RMDN2: variants seen among roughly 807,000 people sequenced by gnomAD.
RMDN2 encodes regulator of microtubule dynamics protein 2.
Under a neutral mutation model 52.8 loss-of-function variants are expected in RMDN2, and 61 were observed. The ratio of observed to expected loss-of-function variants is 1.16; its 90% CI spans 0.94 to 1.43. RMDN2 has a LOEUF of 1.43. RMDN2 is among the 40% of genes most tolerant of loss of function. RMDN2 has a pLI of 0.00. For missense variants in RMDN2, 592 were observed against 475.3 expected, an observed-to-expected ratio of 1.25 and a Z score of -2.28; for synonymous variants, 180 against 153.1, an observed-to-expected ratio of 1.18 and a Z score of -1.30.
chr2:37,933,951 A>T (rs1439241351), intron 2 of RMDN2, among the ~76,000 whole-genome samples: 3 of 152,206 alleles, frequency 2.0e-5, no homozygotes, highest in African/African-American at 7.2e-5. Flanking sequence ...GTCCTTTTAT[A>T]ATCTCCTGTG....
intron 2 of RMDN2, among the ~76,000 whole-genome samples, chr2:37,954,254 C>T (rs1214011165): frequency 6.6e-6 from 1 of 151,980 alleles, no homozygotes; most frequent in Non-Finnish European, 1.5e-5. Flanking sequence ...TTTAGTGCCA[C>T]ATCCAATAAA....
intron 10 of RMDN2, among the ~76,000 whole-genome samples, chr2:38,045,901 G>T (rs1273845090): frequency 6.6e-6 from 1 of 152,116 alleles, no homozygotes; most frequent in Non-Finnish European, 1.5e-5. Flanking sequence ...TGACCTTGGT[G>T]GAAAACAAAC....
intron 10 of RMDN2, among the ~76,000 whole-genome samples, chr2:38,060,927 A>G (rs569010871): frequency 2.0e-5 from 3 of 152,334 alleles, no homozygotes; most frequent in South Asian, 4.1e-4. Flanking sequence ...TTTTTCAATC[A>G]GATATAATAA....
At chr2:38,034,344 G>A (rs967861812) in intron 10 of RMDN2, among the ~76,000 whole-genome samples, 35 of 152,180 alleles carry the variant, frequency 2.3e-4, no homozygotes, top group Non-Finnish European at 4.6e-4. Context: ...TACATGATGG[G>A]GAGATCAGGA....
intron 10 of RMDN2, chr2:38,028,161 C>T (rs1027572457): frequency 1.3e-5 from 2 of 151,584 alleles, no homozygotes; most frequent in East Asian, 1.9e-4. Context: ...TCAGGGACCC[C>T]GAAGCTTACA....
intron 2 of RMDN2, among the ~76,000 whole-genome samples, chr2:37,933,129 G>T (rs1487659936): frequency 6.7e-6 from 1 of 149,844 alleles, no homozygotes; most frequent in Non-Finnish European, 1.5e-5. Flanking sequence ...CTCACATCCC[G>T]GACGGGGCAG....
At chr2:37,974,694 C>T (rs934872157) in intron 3 of RMDN2, 8 of 152,448 alleles carry the variant, frequency 5.2e-5, no homozygotes, top group African/African-American at 1.7e-4. Context: ...TGCAGTGTCC[C>T]ATGGAGAAAT....
chr2:37,939,186 T>C (rs773288569), intron 2 of RMDN2, among the ~76,000 whole-genome samples: 5 of 152,244 alleles, frequency 3.3e-5, no homozygotes, highest in Non-Finnish European at 5.9e-5. Flanking sequence ...TTGTTCAGTT[T>C]CCATGTAATT....
At chr2:38,009,818 G>T (rs981370975) in intron 10 of RMDN2, among the ~76,000 whole-genome samples, 6 of 152,100 alleles carry the variant, frequency 3.9e-5, no homozygotes, top group Non-Finnish European at 7.3e-5. Context: ...TTTCTGCTCT[G>T]TTTTTTCCCC....
intron 3 of RMDN2, 106 bp downstream of exon 3, chr2:37,974,320 A>G: frequency 7.4e-6 from 5 of 679,686 alleles, no homozygotes; most frequent in Non-Finnish European, 1.1e-5. Flanking sequence ...CCACATTTTG[A>G]TGATTGATGT....
chr2:37,963,677 C>G (rs991802030), intron 2 of RMDN2, among the ~76,000 whole-genome samples: 1 of 152,244 alleles, frequency 6.6e-6, no homozygotes, highest in African/African-American at 2.4e-5. Context: ...AAGAATCTTT[C>G]TTAGTACAGA....
chr2:38,001,184 G>A (rs1676271493), intron 8 of RMDN2, among the ~76,000 whole-genome samples: 1 of 152,200 alleles, frequency 6.6e-6, no homozygotes, highest in Non-Finnish European at 1.5e-5. Flanking sequence ...GTTCAACAGT[G>A]TTTATTAAGC....
At chr2:37,960,127 G>T (rs141641781) in intron 2 of RMDN2, among the ~76,000 whole-genome samples, 2,533 of 152,214 alleles carry the variant, frequency 0.017, 66 homozygotes, top group African/African-American at 0.058. Context: ...TGTTGATTTG[G>T]GGTGGAGAGT....
chr2:38,035,368 A>G lies in RMDN2; in HGVS notation c.1713+31152A>G, dbSNP rs771615654. Among the ~76,000 whole-genome samples, 37 of 152,302 alleles carry G rather than the reference A, an allele frequency of 2.4e-4. No individual in the cohort carries two copies. In the Middle Eastern group the frequency reaches 0.01, roughly 42 times the overall value. ...GAAGACAGCATCCTAAAATTATCCA[A>G]TATCCTTCAATTAATCTACAAATTT... On this transcript the variant is annotated intron_variant, in intron 10 of 10. Coordinates refer to the RMDN2 transcript ENST00000234195.
intron 2 of RMDN2, among the ~76,000 whole-genome samples, chr2:37,973,646 A>G (rs1001697807): frequency 3.9e-5 from 6 of 152,180 alleles, no homozygotes; most frequent in African/African-American, 1.4e-4. Flanking sequence ...GATGGGCCAC[A>G]TTGAGAAAAT....
intron 8 of RMDN2, among the ~76,000 whole-genome samples, chr2:38,000,146 G>C (rs1269828444): frequency 2.0e-5 from 3 of 152,164 alleles, no homozygotes; most frequent in Non-Finnish European, 4.4e-5. Context: ...GACACCTGTA[G>C]GAGTCATCTG....
chr2:38,023,501 A>G (rs1040690468), intron 10 of RMDN2, among the ~76,000 whole-genome samples: 14 of 152,108 alleles, frequency 9.2e-5, no homozygotes, highest in Admixed American at 4.6e-4. Context: ...TATTTTTTTC[A>G]TATGCCCGCC....
intron 2 of RMDN2, among the ~76,000 whole-genome samples, chr2:37,973,228 A>C (rs748318453): frequency 2.0e-5 from 3 of 152,330 alleles, no homozygotes; most frequent in South Asian, 4.1e-4. Context: ...TGAATTAATA[A>C]AAATAAGTTG....
chr2:38,021,379 G>A (rs1679363145), downstream of RMDN2, among the ~76,000 whole-genome samples: 1 of 152,102 alleles, frequency 6.6e-6, no homozygotes, highest in Admixed American at 6.5e-5. Flanking sequence ...GTAACCTGCT[G>A]GGGTCCCCCT....
Sources: gnomAD v4.1 joint callset for allele counts (sites outside exome capture counted in the v4.1 genomes callset) on GRCh38, gnomAD v4.1.1 for gene constraint, MANE v1.5 for transcripts, NCBI Gene and HGNC (gene_info 2026-07-23, HGNC 2026-07-21) for gene names.